PTK7: variants seen among roughly 807,000 people sequenced by gnomAD.
PTK7 encodes the protein inactive tyrosine-protein kinase 7.
A neutral mutation model predicts 116.6 loss-of-function variants in PTK7; 39 were observed. That is an observed-to-expected ratio of 0.33 (90% confidence interval 0.26 to 0.44). The LOEUF is 0.44. PTK7 is among the 20% of genes least tolerant of loss of function. The pLI is 1.00. For synonymous variants in PTK7, 546 were observed against 563.6 expected, an observed-to-expected ratio of 0.97 and a Z score of 0.44; for missense variants, 1,169 against 1,425.6, an observed-to-expected ratio of 0.82 and a Z score of 2.90.
intron 1 of PTK7, among the ~76,000 whole-genome samples, chr6:43,103,247 G>A (rs1455583357): frequency 6.6e-6 from 1 of 152,210 alleles, no homozygotes; most frequent in Non-Finnish European, 1.5e-5. Flanking sequence ...TCTCCCTTCT[G>A]AGTTTAAAAC....
chr6:43,129,839 CA>C lies in PTK7; in HGVS notation c.470+11del. ...TTGATGGGCACCCTCGGTAAGGAGT[CA>C]GGGAGGTGGGGATGAAGAGGGTTAT... is the stretch of plus-strand genomic sequence containing the variant. On this transcript the variant is annotated intron_variant, in intron 3 of 19. Coordinates refer to ENST00000230419, the MANE Select transcript of PTK7 (RefSeq NM_002821.5). The surrounding 1 kb of genome is among the most constrained non-coding windows in gnomAD (Gnocchi z 4.5). The C allele has an allele frequency of 6.2e-7, 1 of 1,612,162 alleles. No individual in the cohort carries two copies. The highest frequency in any genetic ancestry group is 2.2e-5 in the East Asian group (1 of 44,866).
At chr6:43,131,617 A>G (rs1029505906) in intron 5 of PTK7, 2 of 262,928 alleles carry the variant, frequency 7.6e-6, no homozygotes, top group Non-Finnish European at 1.5e-5. Context: ...CTTGTTCACT[A>G]TCATGAGAAC....
intron 13 of PTK7, 165 bp downstream of exon 13, chr6:43,142,464 T>C: frequency 9.0e-7 from 1 of 1,109,006 alleles, no homozygotes; most frequent in Non-Finnish European, 1.3e-6. Context: ...GAGTCCTTGC[T>C]CAGAGCCGGG....
chr6:43,138,675 T>A lies in PTK7; in HGVS notation c.1229-174T>A, dbSNP rs188917735. 9.5e-3 allele frequency: 8,233 copies of A among 867,854 alleles called. 139 individuals carry two copies. The highest frequency in any genetic ancestry group is 0.059 in the South Asian group (2,508 of 42,818). The allele number at this position is 867,854 out of a possible 1,614,324, so 53.8% of individuals were successfully genotyped here. ...AGAACCTGTCTTAAAAGAAAAAAAATTTTAAAAAAGGTGCTGGCACCTGGG... is the reference window on the plus strand; with the variant it reads ...AGAACCTGTCTTAAAAGAAAAAAAAATTTAAAAAAGGTGCTGGCACCTGGG... On this transcript the variant is annotated intron_variant, in intron 7 of 19. Coordinates refer to ENST00000230419, the MANE Select transcript of PTK7 (RefSeq NM_002821.5).
At position 43,143,177 on chromosome 6, in the gene PTK7, C is replaced by T. The variant is rs528790720; in HGVS notation, c.2048-240C>T. 4.0e-6 allele frequency: 2 copies of T among 495,910 alleles called. No homozygotes were observed. Among genetic ancestry groups the T allele is most frequent in the Non-Finnish European group, 7.2e-6 (2 of 277,908 alleles). The allele number at this position is 495,910 out of a possible 1,614,324, so 30.7% of individuals were successfully genotyped here. On this transcript the variant is annotated intron_variant, in intron 13 of 19. Coordinates refer to ENST00000230419, the MANE Select transcript of PTK7 (RefSeq NM_002821.5). The surrounding 1 kb of genome is among the most constrained non-coding windows in gnomAD (Gnocchi z 4.2). ...TGACAGGTGTGCTTATCCGTGTCGC[C>T]TGTCTTGGCTTCCGATGCAAAGCCA...
At chr6:43,123,718 G>T (rs1054938906) in intron 1 of PTK7, among the ~76,000 whole-genome samples, 1 of 152,220 alleles carries the variant, frequency 6.6e-6, no homozygotes, top group Non-Finnish European at 1.5e-5. Flanking sequence ...GGTGTTTGCA[G>T]CTCCGGCTTT....
At chr6:43,084,756 G>A (rs983333037) in intron 1 of PTK7, among the ~76,000 whole-genome samples, 1 of 152,140 alleles carries the variant, frequency 6.6e-6, no homozygotes, top group Non-Finnish European at 1.5e-5. Flanking sequence ...AGAATGTGTG[G>A]GATGGTAAGT....
At chr6:43,132,337 A>G in intron 6 of PTK7, 84 bp from the exon 7 acceptor site, 1 of 1,511,314 alleles carries the variant, frequency 6.6e-7, no homozygotes. Flanking sequence ...GTGCTGGGAA[A>G]GGGCCTAGGC....
intron 1 of PTK7, among the ~76,000 whole-genome samples, chr6:43,111,986 A>G (rs1482642882): frequency 6.6e-6 from 1 of 151,776 alleles, no homozygotes; most frequent in African/African-American, 2.4e-5. Flanking sequence ...CTGGCCTATT[A>G]GCACCATTTT....
At chr6:43,078,084 G>A (rs2150364546) in intron 1 of PTK7, among the ~76,000 whole-genome samples, 1 of 152,356 alleles carries the variant, frequency 6.6e-6, no homozygotes, top group East Asian at 1.9e-4. Context: ...TGGTGTGTGG[G>A]TCTGCCCAAT....
intron 5 of PTK7, 91 bp from the exon 6 acceptor site, chr6:43,131,925 T>G: frequency 6.5e-7 from 1 of 1,548,492 alleles, no homozygotes; most frequent in Non-Finnish European, 8.9e-7. Flanking sequence ...TTACTACATT[T>G]CCGACTTTGC....
chr6:43,107,356 T>G (rs552482491), intron 1 of PTK7, among the ~76,000 whole-genome samples: 23 of 152,322 alleles, frequency 1.5e-4, no homozygotes, highest in Admixed American at 5.9e-4. Context: ...CCAGAAGACC[T>G]GAGATTTGAA....
rs973935694 is a variant in PTK7, at chr6:43,145,135, C to G, written c.2408-65C>G. Reference sequence around the variant, plus strand: ...CCACTGTGGGAGAGGCTAGGCCCCTCCCCCAGGTCAGGAGCTGCCTCGGCC... The same window carrying G: ...CCACTGTGGGAGAGGCTAGGCCCCTGCCCCAGGTCAGGAGCTGCCTCGGCC... On this transcript the variant is annotated intron_variant, in intron 15 of 19. Transcript: ENST00000230419. This position sits in a 1 kb window ranked among gnomAD's most constrained non-coding sequence, Gnocchi z 4.8. 18 of 1,459,978 alleles carry G rather than the reference C, an allele frequency of 1.2e-5. No individual in the cohort carries two copies. Among genetic ancestry groups the G allele is most frequent in the Admixed American group, 2.1e-5 (1 of 48,042 alleles). The allele number at this position is 1,459,978 out of a possible 1,614,324, so 90.4% of individuals were successfully genotyped here. A position where few individuals can be genotyped will look rare whatever the true frequency, so the allele number is the denominator to read the frequency against.
intron 1 of PTK7, among the ~76,000 whole-genome samples, chr6:43,110,710 G>A (rs534259376): frequency 2.0e-5 from 3 of 152,198 alleles, no homozygotes; most frequent in South Asian, 2.1e-4. Flanking sequence ...GTGCCTGGCC[G>A]AATTTTAACA....
intron 14 of PTK7, among the ~76,000 whole-genome samples, chr6:43,144,069 C>T (rs1441123100): frequency 1.3e-5 from 2 of 152,208 alleles, no homozygotes; most frequent in East Asian, 1.9e-4. Context: ...TGTTCAGGAG[C>T]AGAGGTTGGG....
intron 18 of PTK7, among the ~76,000 whole-genome samples, chr6:43,159,396 C>T (rs931306098): frequency 5.3e-5 from 8 of 152,166 alleles, no homozygotes; most frequent in African/African-American, 1.9e-4. Context: ...CCCTGAGTCC[C>T]TCTGGTTCCA....
At chr6:43,117,904 C>T (rs1213390179) in intron 1 of PTK7, among the ~76,000 whole-genome samples, 2 of 151,490 alleles carry the variant, frequency 1.3e-5, no homozygotes, top group East Asian at 3.9e-4. Flanking sequence ...CCATTGCACT[C>T]CAGCCTGGGC....
chr6:43,091,284 C>T (rs941037008), intron 1 of PTK7, among the ~76,000 whole-genome samples: 1 of 151,932 alleles, frequency 6.6e-6, no homozygotes, highest in Admixed American at 6.6e-5. Context: ...GCTCAGCCTC[C>T]CAACTAGCTG....
intron 7 of PTK7, chr6:43,133,024 G>C: frequency 2.2e-6 from 1 of 463,036 alleles, no homozygotes; most frequent in Non-Finnish European, 3.8e-6. Context: ...CCTTACTGGG[G>C]TTCAGTCTCC....
Sources: allele counts gnomAD v4.1 joint callset (sites outside exome capture counted in the v4.1 genomes callset), GRCh38; gene constraint gnomAD v4.1.1; non-coding constraint Gnocchi (gnomAD v3.1); transcripts MANE v1.5; gene names NCBI Gene and HGNC (gene_info 2026-07-23, HGNC 2026-07-21).